Variants in TENM2 observed in about 807,000 individuals in gnomAD.
TENM2 encodes the protein teneurin transmembrane protein 2.
TENM2 carries 52 observed loss-of-function variants against 245.2 expected under a neutral mutation model. The ratio of observed to expected loss-of-function variants is 0.21; its 90% CI spans 0.17 to 0.27. The LOEUF is 0.27. Among genes scored for constraint, TENM2 ranks in the 10% least tolerant of loss-of-function variants. The pLI is 1.00. For synonymous variants in TENM2, 1,363 were observed against 1,438.9 expected (o/e 0.95, Z 1.19); for missense variants, 3,046 against 3,666.8 (o/e 0.83, Z 4.37).
chr5:167,987,805 T>G (rs911816448), intron 4 of TENM2, among the ~76,000 whole-genome samples: 1 of 152,202 alleles, frequency 6.6e-6, no homozygotes, highest in Non-Finnish European at 1.5e-5. Context: ...GGACACAGTC[T>G]GAAGATCACT....
intron 2 of TENM2, among the ~76,000 whole-genome samples, chr5:167,529,996 T>C (rs2127591884): frequency 6.6e-6 from 1 of 152,296 alleles, no homozygotes; most frequent in Non-Finnish European, 1.5e-5. Flanking sequence ...AAATAGATGT[T>C]CCTTGACCAT....
At chr5:167,326,081 A>G (rs1372500828) in intron 1 of TENM2, among the ~76,000 whole-genome samples, 1 of 152,136 alleles carries the variant, frequency 6.6e-6, no homozygotes, top group Non-Finnish European at 1.5e-5. Context: ...GGTGAGGGGC[A>G]TTCTGAGTGA....
chr5:167,476,708 C>T (rs1316895627), intron 2 of TENM2, among the ~76,000 whole-genome samples: 3 of 152,176 alleles, frequency 2.0e-5, no homozygotes, highest in African/African-American at 4.8e-5. Context: ...AAGCAATTCT[C>T]CTGCCTCAGC....
chr5:168,050,097 C>T (rs1018088040), intron 6 of TENM2, among the ~76,000 whole-genome samples: 3 of 152,094 alleles, frequency 2.0e-5, no homozygotes, highest in Non-Finnish European at 4.4e-5. Context: ...GCCACTGTGC[C>T]CAGCAGAGAC....
chr5:167,873,944 A>G (rs1228383190), intron 2 of TENM2, among the ~76,000 whole-genome samples: 1 of 152,086 alleles, frequency 6.6e-6, no homozygotes. Context: ...TTTAAGCTTT[A>G]AGAGTATCTC....
chr5:167,103,641 G>A, the TENM2 span, among the ~76,000 whole-genome samples: 1 of 152,120 alleles, frequency 6.6e-6, no homozygotes, highest in East Asian at 1.9e-4. Context: ...CTTCTAACTT[G>A]TTATGTGCTT....
At chr5:167,133,617 GGAAAA>G in the TENM2 span, among the ~76,000 whole-genome samples, 1 of 67,508 alleles carries the variant, frequency 1.5e-5, no homozygotes, top group East Asian at 3.4e-4. Flanking sequence ...ACTCAAACTT[GGAAAA>G]AAAAAAAAAA....
intron 8 of TENM2, among the ~76,000 whole-genome samples, chr5:168,095,982 G>T (rs1003645007): frequency 6.6e-6 from 1 of 152,174 alleles, no homozygotes; most frequent in Non-Finnish European, 1.5e-5. Context: ...GTCATGGGTT[G>T]CACTGCAGGA....
the TENM2 span, among the ~76,000 whole-genome samples, chr5:167,185,647 C>T: frequency 3.3e-5 from 5 of 151,988 alleles, no homozygotes; most frequent in Non-Finnish European, 7.4e-5. Flanking sequence ...AAACTTTATG[C>T]TATAGAACCA....
intron 2 of TENM2, among the ~76,000 whole-genome samples, chr5:167,758,604 C>A (rs1436921714): frequency 6.6e-6 from 1 of 152,144 alleles, no homozygotes; most frequent in Non-Finnish European, 1.5e-5. Flanking sequence ...CTTCTAATCA[C>A]TTCCACTTTT....
At chr5:167,654,566 T>C (rs1754709633) in intron 2 of TENM2, among the ~76,000 whole-genome samples, 2 of 152,242 alleles carry the variant, frequency 1.3e-5, no homozygotes, top group South Asian at 4.1e-4. Context: ...TTTGCTATTA[T>C]ACTCATCTGA....
At chr5:167,872,351 A>AAAGG (rs1258522739) in intron 2 of TENM2, among the ~76,000 whole-genome samples, 74 of 139,580 alleles carry the variant, frequency 5.3e-4, no homozygotes, top group African/African-American at 1.8e-3. Context: ...AGAAAGAAAG[A>AAAGG]AAGGAAAGAG....
At chr5:167,743,047 G>A (rs1207095790) in intron 2 of TENM2, among the ~76,000 whole-genome samples, 2 of 151,972 alleles carry the variant, frequency 1.3e-5, no homozygotes, top group African/African-American at 2.4e-5. Flanking sequence ...CCGCCATATC[G>A]ATAATCCAAA....
chr5:167,491,181 C>T lies in TENM2; in HGVS notation c.502+115708C>T, dbSNP rs370337483. Among the ~76,000 whole-genome samples, 95 of 152,088 alleles carry T rather than the reference C, an allele frequency of 6.2e-4. 3 individuals carry two copies. In the South Asian group the frequency reaches 0.019, roughly 30 times the overall value. ...CCATTACTGGAGTAAGTTAGGCACA[C>T]GATGGAGGCAAACAATAAATATCTA... On this transcript the variant is annotated intron_variant, in intron 2 of 28. Coordinates refer to ENST00000518659, the Ensembl canonical transcript of TENM2.
chr5:167,112,127 C>T, the TENM2 span, among the ~76,000 whole-genome samples: 2 of 152,128 alleles, frequency 1.3e-5, no homozygotes. Flanking sequence ...ATATATGACA[C>T]ACAGAAGCTG....
At chr5:167,952,793 G>A in exon 4 of TENM2, 1 of 1,564,514 alleles carries the variant, frequency 6.4e-7, no homozygotes, top group South Asian at 1.2e-5. Flanking sequence ...ACAGCTGGGT[G>A]CTAAACAGCA....
chr5:167,534,647 C>T (rs1387738594), intron 2 of TENM2, among the ~76,000 whole-genome samples: 1 of 152,066 alleles, frequency 6.6e-6, no homozygotes, highest in African/African-American at 2.4e-5. Flanking sequence ...GGTATCTGAG[C>T]AATGGAGTGA....
intron 4 of TENM2, among the ~76,000 whole-genome samples, chr5:167,968,522 T>C (rs1271245427): frequency 6.6e-6 from 1 of 152,224 alleles, no homozygotes; most frequent in Non-Finnish European, 1.5e-5. Context: ...CATGAGTCCA[T>C]TTCTCAACAA....
At chr5:168,051,665 T>C (rs1382851854) in intron 6 of TENM2, among the ~76,000 whole-genome samples, 1 of 152,182 alleles carries the variant, frequency 6.6e-6, no homozygotes, top group Admixed American at 6.5e-5. Context: ...ATATAGGATT[T>C]TGGAGTTGGT....
Sources: allele counts gnomAD v4.1 joint callset (sites outside exome capture counted in the v4.1 genomes callset), GRCh38; gene constraint gnomAD v4.1.1; transcripts MANE v1.5; gene names NCBI Gene and HGNC (gene_info 2026-07-23, HGNC 2026-07-21).